The following UACA variants were observed in gnomAD, a reference collection of about 807,000 sequenced individuals.
UACA encodes the protein nuclear membrane binding protein.
A neutral mutation model predicts 160.5 loss-of-function variants in UACA; 112 were observed. The ratio of observed to expected loss-of-function variants is 0.70; its 90% CI spans 0.60 to 0.82. The LOEUF is 0.82. Ranked by LOEUF, UACA falls within the 40% of genes least tolerant of loss-of-function variation. The pLI is 0.00. For synonymous variants in UACA, 557 were observed against 568.4 expected (o/e 0.98, Z 0.29); for missense variants, 1,574 against 1,614.6 (o/e 0.97, Z 0.43).
At chr15:70,702,410 G>C in intron 1 of UACA, 2 of 652,140 alleles carry the variant, frequency 3.1e-6, no homozygotes, top group Non-Finnish European at 3.8e-6. Flanking sequence ...CTGAATGATA[G>C]AAAGGAGCAG....
intron 2 of UACA, among the ~76,000 whole-genome samples, 173 bp downstream of exon 2, chr15:70,699,354 T>C (rs1898244531): frequency 6.6e-6 from 1 of 152,078 alleles, no homozygotes; most frequent in South Asian, 2.1e-4. Flanking sequence ...CTCTCTAGAC[T>C]GGAAATATTT....
intron 8 of UACA, 125 bp from the exon 9 acceptor site, chr15:70,682,920 C>G: frequency 1.9e-6 from 1 of 515,888 alleles, no homozygotes; most frequent in Non-Finnish European, 3.2e-6. Flanking sequence ...CTAAAGCTTA[C>G]AACTTTTTAG....
upstream of UACA, among the ~76,000 whole-genome samples, chr15:70,766,098 G>C (rs1049068244): frequency 2.6e-5 from 4 of 152,220 alleles, no homozygotes; most frequent in African/African-American, 9.6e-5. Flanking sequence ...TTTATGAACT[G>C]TCTGGATGAT....
At chr15:70,684,805 T>C (rs1897650524) in intron 7 of UACA, among the ~76,000 whole-genome samples, 1 of 152,198 alleles carries the variant, frequency 6.6e-6, no homozygotes, top group Non-Finnish European at 1.5e-5. Context: ...CTGTTACAGA[T>C]ATAGATTTTA....
chr15:70,674,589 C>A (rs940141892), intron 13 of UACA, among the ~76,000 whole-genome samples: 4 of 152,014 alleles, frequency 2.6e-5, no homozygotes, highest in African/African-American at 9.7e-5. Flanking sequence ...TCTAAAGCTA[C>A]AGAAAAACAT....
At chr15:70,675,921 A>T (rs1004998419) in intron 13 of UACA, among the ~76,000 whole-genome samples, 2 of 152,188 alleles carry the variant, frequency 1.3e-5, no homozygotes, top group Non-Finnish European at 2.9e-5. Flanking sequence ...CATGAACGCC[A>T]GAGCCTTGAT....
At chr15:70,719,108 AGAGAAG>A (rs774102190) in intron 1 of UACA, among the ~76,000 whole-genome samples, 28 of 151,788 alleles carry the variant, frequency 1.8e-4, no homozygotes, top group African/African-American at 5.3e-4. Flanking sequence ...GAGAAGATGA[AGAGAAG>A]GAGAAGGAGA....
At chr15:70,753,773 T>C (rs2030234532) in intron 1 of UACA, among the ~76,000 whole-genome samples, 2 of 152,226 alleles carry the variant, frequency 1.3e-5, no homozygotes. Context: ...TTGGGACATT[T>C]GTATGTGCTC....
chr15:70,668,318 T>C lies in UACA; in HGVS notation c.2366A>G (p.Asn789Ser). The C allele has an allele frequency of 2.5e-6, 4 of 1,611,624 alleles. No homozygotes were observed. The highest frequency in any genetic ancestry group is 3.4e-6 in the Non-Finnish European group (4 of 1,179,494). The change falls in exon 16 of 19, where the codon AAT becomes AGT. Residue 789 changes from asparagine (N) to serine (S), a missense_variant. Transcript: ENST00000322954. ...KLEMEKLLLE[N>S]DSLSKDVSRL... The stretch of plus-strand genomic sequence containing the variant: ...GCTTACATCCTTACTTAAGCTGTCA[T>C]TTTCCAGTAGCAATTTCTCCATTTC...
At chr15:70,717,998 T>A (rs1167757586) in intron 1 of UACA, among the ~76,000 whole-genome samples, 2 of 150,234 alleles carry the variant, frequency 1.3e-5, no homozygotes, top group Non-Finnish European at 3.0e-5. Flanking sequence ...CATAATCACA[T>A]CAGCCAATTC....
At chr15:70,660,010 A>T in intron 18 of UACA, 141 bp downstream of exon 18, 1 of 660,306 alleles carries the variant, frequency 1.5e-6, no homozygotes, top group Non-Finnish European at 2.5e-6. Flanking sequence ...AACAATGATT[A>T]AAAGAAACAT....
chr15:70,750,912 A>G (rs1384472462), intron 1 of UACA, among the ~76,000 whole-genome samples: 2 of 152,200 alleles, frequency 1.3e-5, no homozygotes, highest in African/African-American at 4.8e-5. Context: ...ATGGATACAG[A>G]ATTTTCTTCT....
intron 5 of UACA, among the ~76,000 whole-genome samples, chr15:70,688,117 C>CAAAGT (rs1897795522): frequency 1.3e-5 from 2 of 152,060 alleles, no homozygotes; most frequent in Non-Finnish European, 2.9e-5. Context: ...AAATTTTGTA[C>CAAAGT]TTACAGTATA....
intron 12 of UACA, among the ~76,000 whole-genome samples, chr15:70,676,820 CTT>C (rs1897317198): frequency 6.6e-6 from 1 of 152,138 alleles, no homozygotes; most frequent in African/African-American, 2.4e-5. Flanking sequence ...TGTTTTCAAT[CTT>C]AATGTTTTCA....
At chr15:70,763,932 A>G (rs1157639878), upstream of UACA, among the ~76,000 whole-genome samples, 1 of 152,214 alleles carries the variant, frequency 6.6e-6, no homozygotes, top group African/African-American at 2.4e-5. Context: ...GTCTGGTCTT[A>G]GAAATGACTC....
At position 70,755,116 on chromosome 15, in the gene UACA, T is replaced by C. The variant is rs527583280; in HGVS notation, c.78+8214A>G. Among the ~76,000 whole-genome samples, 4 of 152,294 alleles carry C rather than the reference T, an allele frequency of 2.6e-5. No homozygotes were observed. The South Asian group carries it at 6.2e-4, about 24-fold the overall frequency. On this transcript the variant is annotated intron_variant, in intron 1 of 18. Coordinates refer to ENST00000322954, the MANE Select transcript of UACA (RefSeq NM_018003.4). ...TTTCCATATGATAGTGATGAAACAA[T>C]ACATGTTATAACGTTCAAATCTATT... is the stretch of plus-strand genomic sequence containing the variant.
chr15:70,761,770 C>T (rs2030775591), intron 1 of UACA, among the ~76,000 whole-genome samples: 1 of 152,182 alleles, frequency 6.6e-6, no homozygotes, highest in African/African-American at 2.4e-5. Flanking sequence ...CAGAGATATG[C>T]ACTTTATGTT....
At chr15:70,692,408 C>A (rs952697126) in intron 3 of UACA, among the ~76,000 whole-genome samples, 1 of 152,146 alleles carries the variant, frequency 6.6e-6, no homozygotes, top group African/African-American at 2.4e-5. Context: ...AGCAATCCTG[C>A]TGCTTTGGTC....
intron 18 of UACA, among the ~76,000 whole-genome samples, chr15:70,658,056 C>G (rs1159798206): frequency 1.3e-5 from 2 of 152,070 alleles, no homozygotes; most frequent in Non-Finnish European, 2.9e-5. Context: ...CCACAGCACT[C>G]CAGCCTGGAT....
Sources: allele counts gnomAD v4.1 joint callset (sites outside exome capture counted in the v4.1 genomes callset), GRCh38; gene constraint gnomAD v4.1.1; transcripts MANE v1.5; gene names NCBI Gene and HGNC (gene_info 2026-07-23, HGNC 2026-07-21).